The following ODAD2 variants were observed in gnomAD, a reference collection of about 807,000 sequenced individuals.
ODAD2 encodes the protein outer dynein arm-docking complex subunit 2.
A neutral mutation model predicts 106.8 loss-of-function variants in ODAD2; 89 were observed. The observed-to-expected ratio is 0.83, with a 90% CI of 0.70 to 0.99. The LOEUF is 0.99. Among genes scored for constraint, ODAD2 ranks in the 50% least tolerant of loss-of-function variants. The probability of loss-of-function intolerance (pLI) is 0.00; values close to 1 mark genes in which losing one functional copy is unlikely to be tolerated. For synonymous variants in ODAD2, 404 were observed against 436.2 expected (o/e 0.93, Z 0.92); for missense variants, 1,168 against 1,238.5 (o/e 0.94, Z 0.85).
intron 16 of ODAD2, among the ~76,000 whole-genome samples, chr10:27,917,895 A>T (rs950003483): frequency 1.3e-5 from 2 of 151,936 alleles, no homozygotes; most frequent in Non-Finnish European, 1.5e-5. Flanking sequence ...TAATACAAGG[A>T]TATTGCAATA....
chr10:27,812,959 G>A (rs1835857445), intron 19 of ODAD2, among the ~76,000 whole-genome samples: 2 of 152,118 alleles, frequency 1.3e-5, no homozygotes, highest in Admixed American at 6.5e-5. Context: ...AGCATACCAT[G>A]CTTAGACTAG....
At chr10:27,875,088 G>A (rs933912744) in intron 17 of ODAD2, among the ~76,000 whole-genome samples, 5 of 151,874 alleles carry the variant, frequency 3.3e-5, no homozygotes, top group African/African-American at 7.3e-5. Flanking sequence ...TTCTCTTCTC[G>A]CTTCATTTCA....
intron 17 of ODAD2, among the ~76,000 whole-genome samples, chr10:27,866,406 A>G (rs910903456): frequency 6.6e-6 from 1 of 152,202 alleles, no homozygotes; most frequent in Non-Finnish European, 1.5e-5. Flanking sequence ...GGCCATGCAC[A>G]TGTAAATTCA....
At chr10:27,938,437 G>A (rs1359557834) in intron 14 of ODAD2, among the ~76,000 whole-genome samples, 5 of 152,104 alleles carry the variant, frequency 3.3e-5, no homozygotes, top group Admixed American at 2.0e-4. Context: ...AGAGGCCTCA[G>A]AAGAAACTAA....
chr10:27,940,781 C>A lies in ODAD2; in HGVS notation c.1768G>T (p.Asp590Tyr). 1 of 1,614,058 alleles carries A rather than the reference C, an allele frequency of 6.2e-7. No homozygotes were observed. The highest frequency in any genetic ancestry group is 8.5e-7 in the Non-Finnish European group (1 of 1,179,964). Residue 590 changes from aspartate to tyrosine, a missense_variant, in exon 13 of 20, where the codon GAT becomes TAT. Asp to Tyr is a radical substitution (Grantham distance 160). Around this residue, in one of 3 missense-constraint regions of ODAD2, gnomAD observed 701 missense variants for 712.3 expected, o/e 0.98. Coordinates refer to ENST00000305242, the MANE Select transcript of ODAD2 (RefSeq NM_018076.5). ...CTCGATTGGGCAGGTTTTGTGGAAT[C>A]ATGTGCACAGTCTAGTAGAGCAACC... ...KLVALLDCAH[D>Y]STKPAQSSLY...
chr10:27,907,884 T>C, intron 16 of ODAD2, 107 bp from the exon 17 acceptor site: 2 of 813,140 alleles, frequency 2.5e-6, no homozygotes. Context: ...ATATTTTGCT[T>C]AGAATTTTTT....
At chr10:27,929,876 C>A (rs965967344) in intron 16 of ODAD2, among the ~76,000 whole-genome samples, 2 of 151,970 alleles carry the variant, frequency 1.3e-5, no homozygotes, top group African/African-American at 4.8e-5. Context: ...TGCTGTTGGT[C>A]TTTTTTATGT....
chr10:27,989,721 T>G (rs1174439441), intron 2 of ODAD2, among the ~76,000 whole-genome samples: 1 of 152,120 alleles, frequency 6.6e-6, no homozygotes, highest in African/African-American at 2.4e-5. Flanking sequence ...TGGTGGCACG[T>G]GCTTTGGTCC....
chr10:27,936,815 A>G lies in ODAD2; in HGVS notation c.2163T>C (p.Ser721=). 2 of 1,613,954 alleles carry G rather than the reference A, an allele frequency of 1.2e-6. No homozygotes were observed. The highest frequency in any genetic ancestry group is 1.7e-6 in the Non-Finnish European group (2 of 1,179,924). ...RLHGGLKPLA[S]LLNNTDNKER... ...CTTTATTGTCAGTGTTATTGAGTAGACTGGCCAAGGGCTTAAGTCCTCCGT... is the reference window on the plus strand; with the variant it reads ...CTTTATTGTCAGTGTTATTGAGTAGGCTGGCCAAGGGCTTAAGTCCTCCGT... The change falls in exon 15 of 20, where the codon AGT becomes AGC. Residue 721 remains serine, a synonymous_variant. Coordinates refer to ENST00000305242, the MANE Select transcript of ODAD2 (RefSeq NM_018076.5).
intron 19 of ODAD2, among the ~76,000 whole-genome samples, chr10:27,854,865 T>G (rs569964091): frequency 5.3e-5 from 8 of 152,184 alleles, no homozygotes; most frequent in African/African-American, 1.9e-4. Context: ...CATAAGAATG[T>G]GAATTAATAC....
chr10:27,859,180 T>C (rs938660618), intron 19 of ODAD2, among the ~76,000 whole-genome samples: 1 of 152,080 alleles, frequency 6.6e-6, no homozygotes, highest in Non-Finnish European at 1.5e-5. Flanking sequence ...GACAATGGCC[T>C]TTTTAGCATT....
chr10:27,862,898 T>C (rs1321448246), intron 17 of ODAD2, among the ~76,000 whole-genome samples: 1 of 152,052 alleles, frequency 6.6e-6, no homozygotes, highest in Non-Finnish European at 1.5e-5. Context: ...CTGTGTTAGC[T>C]ACTGAGGATA....
At chr10:27,982,606 A>C (rs1849626977) in intron 6 of ODAD2, among the ~76,000 whole-genome samples, 1 of 152,204 alleles carries the variant, frequency 6.6e-6, no homozygotes, top group Non-Finnish European at 1.5e-5. Flanking sequence ...GGCATGTCAG[A>C]AAGATAACTA....
chr10:27,958,867 C>A lies in ODAD2; in HGVS notation c.1386+2701G>T, dbSNP rs1478489660. ...GGCCATTGAGTAAGCGGCAGAATTT[C>A]AACTCAACTGGTCTTTCCAACGTCA... is the stretch of plus-strand genomic sequence containing the variant. On this transcript the variant is annotated intron_variant, in intron 10 of 19. Transcript: ENST00000305242. The A allele has an allele frequency of 3.1e-6, 4 of 1,303,666 alleles. No individual in the cohort carries two copies. The African/African-American group carries it at 4.6e-5, about 15-fold the overall frequency. 80.8% of individuals were successfully genotyped at this position (1,303,666 alleles called of 1,614,324 possible). A position where few individuals can be genotyped will look rare whatever the true frequency, so the allele number is the denominator to read the frequency against.
At chr10:27,943,511 G>C (rs935558205) in intron 12 of ODAD2, among the ~76,000 whole-genome samples, 3 of 151,820 alleles carry the variant, frequency 2.0e-5, no homozygotes, top group Admixed American at 1.3e-4. Context: ...TTCAGGCTGG[G>C]TGCGTTGGCT....
intron 17 of ODAD2, among the ~76,000 whole-genome samples, chr10:27,871,872 G>C (rs967025397): frequency 9.9e-5 from 15 of 152,238 alleles, no homozygotes; most frequent in African/African-American, 3.4e-4. Context: ...CTTTACAGTA[G>C]TTTTTTCCAG....
intron 19 of ODAD2, among the ~76,000 whole-genome samples, chr10:27,850,768 T>C (rs1014244239): frequency 2.6e-5 from 4 of 152,068 alleles, no homozygotes; most frequent in African/African-American, 9.7e-5. Context: ...TTTCAAAATA[T>C]TGGAAATCAG....
chr10:27,882,242 ACTCTC>A (rs1287688907), intron 17 of ODAD2, among the ~76,000 whole-genome samples: 1 of 151,584 alleles, frequency 6.6e-6, no homozygotes, highest in African/African-American at 2.4e-5. Context: ...AGAAATATGA[ACTCTC>A]TGATCTCATT....
At chr10:27,839,078 C>T (rs1055181844) in intron 19 of ODAD2, among the ~76,000 whole-genome samples, 1 of 152,108 alleles carries the variant, frequency 6.6e-6, no homozygotes, top group Admixed American at 6.5e-5. Flanking sequence ...TCGTTTTCTT[C>T]TATTTGTGAT....
Sources: gnomAD v4.1 joint callset for allele counts (sites outside exome capture counted in the v4.1 genomes callset) on GRCh38, gnomAD v4.1.1 for gene constraint, gnomAD v4.1.1 regional missense constraint, MANE v1.5 for transcripts, NCBI Gene and HGNC (gene_info 2026-07-23, HGNC 2026-07-21) for gene names.